Variants in KANK1 observed in about 807,000 individuals in gnomAD.
The protein encoded by KANK1 is KN motif and ankyrin repeat domain-containing protein 1.
A neutral mutation model predicts 106.2 loss-of-function variants in KANK1; 109 were observed. That is an observed-to-expected ratio of 1.03 (90% CI 0.88 to 1.20). The LOEUF is 1.20. Among genes scored for constraint, KANK1 ranks in the 50% most tolerant of loss-of-function variants. The probability of loss-of-function intolerance (pLI) is 0.00; values close to 1 mark genes in which losing one functional copy is unlikely to be tolerated. For missense variants in KANK1, 2,399 were observed against 1,710.7 expected, an observed-to-expected ratio of 1.40 and a Z score of -7.10; for synonymous variants, 873 against 652.2, an observed-to-expected ratio of 1.34 and a Z score of -5.16.
intron 7 of KANK1, among the ~76,000 whole-genome samples, chr9:735,424 C>T (rs1353819695): frequency 2.0e-5 from 3 of 152,166 alleles, no homozygotes; most frequent in Admixed American, 6.5e-5. Flanking sequence ...ACATAGGACA[C>T]AAGTATTTCT....
intron 1 of KANK1, among the ~76,000 whole-genome samples, chr9:586,160 T>C (rs1362293824): frequency 2.6e-5 from 4 of 152,196 alleles, no homozygotes; most frequent in African/African-American, 4.8e-5. Flanking sequence ...TGAGATGGAA[T>C]TTTGAGCAGA....
chr9:630,859 G>A (rs906973623), intron 1 of KANK1, among the ~76,000 whole-genome samples: 1 of 151,966 alleles, frequency 6.6e-6, no homozygotes, highest in Non-Finnish European at 1.5e-5. Flanking sequence ...GGAGGCTGAG[G>A]CACGAGAATC....
At chr9:524,009 A>G (rs2059670090) in intron 1 of KANK1, among the ~76,000 whole-genome samples, 1 of 151,654 alleles carries the variant, frequency 6.6e-6, no homozygotes, top group African/African-American at 2.4e-5. Context: ...TTAAATAGGT[A>G]TTTGCTGTTA....
intron 1 of KANK1, among the ~76,000 whole-genome samples, chr9:667,881 A>T (rs1045541160): frequency 6.6e-6 from 1 of 151,490 alleles, no homozygotes; most frequent in African/African-American, 2.4e-5. Context: ...ACAGGTGTAC[A>T]CCACCACACC....
At chr9:519,172 G>A (rs1295116482) in intron 1 of KANK1, among the ~76,000 whole-genome samples, 1 of 151,728 alleles carries the variant, frequency 6.6e-6, no homozygotes, top group East Asian at 1.9e-4. Context: ...TTATAGGCAT[G>A]AGACACTGCG....
At chr9:743,043 C>T (rs1020669071) in intron 10 of KANK1, among the ~76,000 whole-genome samples, 7 of 152,144 alleles carry the variant, frequency 4.6e-5, no homozygotes, top group African/African-American at 1.7e-4. Flanking sequence ...AAAGGGGGTA[C>T]TTTTGCGTGT....
intron 1 of KANK1, among the ~76,000 whole-genome samples, chr9:633,741 C>T (rs28744560): frequency 0.15 from 22,584 of 152,160 alleles, 1,824 homozygotes; most frequent in Admixed American, 0.17. Flanking sequence ...CAGCCCTGAA[C>T]TCCTAGACTC....
At chr9:666,959 G>C (rs575575860) in intron 1 of KANK1, among the ~76,000 whole-genome samples, 2 of 113,946 alleles carry the variant, frequency 1.8e-5, no homozygotes, top group East Asian at 5.5e-4. Context: ...TCAGGGTAAT[G>C]CCCGCCTTGC....
intron 2 of KANK1, chr9:707,231 G>A: frequency 3.0e-6 from 3 of 986,202 alleles, no homozygotes; most frequent in Non-Finnish European, 3.6e-6. Context: ...GGCGGGGAGC[G>A]CGGCGGGCGC....
At chr9:578,928 C>T (rs1821303974) in intron 1 of KANK1, among the ~76,000 whole-genome samples, 2 of 152,316 alleles carry the variant, frequency 1.3e-5, no homozygotes, top group South Asian at 2.1e-4. Context: ...GAGGGCAGAG[C>T]ACTCTCATAA....
Position 522,857 on chromosome 9 carries a change from C to T in KANK1, c.-84+18103C>T, listed in dbSNP as rs2059612630. On this transcript the variant is annotated intron_variant, in intron 1 of 11. Coordinates refer to ENST00000382297, the MANE Select transcript of KANK1 (RefSeq NM_015158.5). ...ATTACTCCTCCCTTGGTGCTGACAG[C>T]TCATGGGAATTAAGCCAGAATTGGC... 2.6e-5 allele frequency among the ~76,000 whole-genome samples: 4 copies of T among 151,814 alleles called. No homozygotes were observed. In the South Asian group the frequency reaches 8.3e-4, roughly 31 times the overall value.
intron 1 of KANK1, among the ~76,000 whole-genome samples, chr9:653,571 C>T (rs761281009): frequency 2.0e-5 from 3 of 152,100 alleles, no homozygotes; most frequent in African/African-American, 4.8e-5. Flanking sequence ...TTCCCTTGAA[C>T]GATGCAAGTT....
In KANK1 at chr9:566,931, C is replaced by G. The variant is rs183198954; in HGVS notation, c.-84+62177C>G. 8.5e-5 allele frequency among the ~76,000 whole-genome samples: 13 copies of G among 152,234 alleles called. No individual in the cohort carries two copies. The East Asian group carries it at 2.5e-3, about 29-fold the overall frequency. On this transcript the variant is annotated intron_variant, in intron 1 of 11. Coordinates refer to ENST00000382297, the MANE Select transcript of KANK1 (RefSeq NM_015158.5). The stretch of plus-strand genomic sequence containing the variant: ...CTCGTCACGAAATCTTTGCCCATTC[C>G]TATGTCCGGAATGGTATTGCTTAGG...
intron 3 of KANK1, among the ~76,000 whole-genome samples, chr9:497,828 G>C (rs943390292): frequency 1.4e-5 from 2 of 147,612 alleles, no homozygotes; most frequent in African/African-American, 2.7e-5. Context: ...ACTCCAGCCT[G>C]GGCGACAGAG....
intron 2 of KANK1, among the ~76,000 whole-genome samples, chr9:699,617 C>G (rs1822167222): frequency 6.6e-6 from 1 of 152,156 alleles, no homozygotes; most frequent in East Asian, 1.9e-4. Context: ...AGACCACATT[C>G]TAACTTAATC....
At chr9:496,633 ACAACATTTTAT>A (rs2058462979) in intron 3 of KANK1, among the ~76,000 whole-genome samples, 1 of 152,240 alleles carries the variant, frequency 6.6e-6, no homozygotes, top group Admixed American at 6.5e-5. Context: ...TTTAGTTATA[ACAACATTTTAT>A]ATGTCTCTCA....
intron 1 of KANK1, among the ~76,000 whole-genome samples, chr9:661,490 T>C (rs1306362672): frequency 6.6e-6 from 1 of 152,186 alleles, no homozygotes; most frequent in Non-Finnish European, 1.5e-5. Context: ...TTCCATGGTG[T>C]ATATGTGCCA....
At chr9:522,538 C>G (rs1192349273) in intron 1 of KANK1, among the ~76,000 whole-genome samples, 1 of 151,590 alleles carries the variant, frequency 6.6e-6, no homozygotes, top group Non-Finnish European at 1.5e-5. Context: ...TTTTTGAGCC[C>G]TTTTGCTCAT....
At chr9:652,642 G>A (rs1841167564) in intron 1 of KANK1, among the ~76,000 whole-genome samples, 1 of 152,018 alleles carries the variant, frequency 6.6e-6, no homozygotes, top group Non-Finnish European at 1.5e-5. Flanking sequence ...GAGAGATGTG[G>A]TTGTTATCTT....
Sources: allele counts gnomAD v4.1 joint callset (sites outside exome capture counted in the v4.1 genomes callset), GRCh38; gene constraint gnomAD v4.1.1; transcripts MANE v1.5; gene names NCBI Gene and HGNC (gene_info 2026-07-23, HGNC 2026-07-21).